Variants in RORA observed in about 807,000 individuals in gnomAD.
The protein encoded by RORA is RAR related orphan receptor A.
A neutral mutation model predicts 69.5 loss-of-function variants in RORA; 7 were observed. That is an observed-to-expected ratio of 0.10 (90% CI 0.06 to 0.19). The LOEUF (loss-of-function observed/expected upper bound fraction) is 0.19, where lower values mean the gene tolerates loss of function less well. Ranked by LOEUF, RORA falls within the 10% of genes least tolerant of loss-of-function variation. RORA has a pLI of 1.00. For synonymous variants in RORA, 261 were observed against 240.8 expected, an observed-to-expected ratio of 1.08 and a Z score of -0.78; for missense variants, 457 against 663.0, an observed-to-expected ratio of 0.69 and a Z score of 3.41.
At chr15:61,098,731 G>A (rs534841507) in intron 1 of RORA, among the ~76,000 whole-genome samples, 10 of 152,220 alleles carry the variant, frequency 6.6e-5, no homozygotes, top group African/African-American at 2.4e-4. Context: ...CCTACAAACA[G>A]GAAATATTAA....
At chr15:60,592,384 C>A (rs2140524959) in intron 2 of RORA, 1 of 1,429,156 alleles carries the variant, frequency 7.0e-7, no homozygotes, top group Non-Finnish European at 9.2e-7. Flanking sequence ...CGCCCGGGCT[C>A]ACCTTTCATC....
intron 1 of RORA, among the ~76,000 whole-genome samples, chr15:60,981,206 A>AG (rs1263254286): frequency 6.6e-6 from 1 of 151,808 alleles, no homozygotes; most frequent in African/African-American, 2.4e-5. Flanking sequence ...CTATATAATA[A>AG]GTTGCTTCTC....
intron 1 of RORA, among the ~76,000 whole-genome samples, chr15:61,203,139 T>A (rs778528918): frequency 6.6e-6 from 1 of 152,180 alleles, no homozygotes; most frequent in Non-Finnish European, 1.5e-5. Context: ...AGGAACAGAA[T>A]ACTATGACCA....
chr15:60,726,575 A>G (rs1447593848), intron 1 of RORA, among the ~76,000 whole-genome samples: 1 of 152,172 alleles, frequency 6.6e-6, no homozygotes, highest in African/African-American at 2.4e-5. Flanking sequence ...ATCAGCATCC[A>G]ATCATCTCTT....
At chr15:60,880,878 T>C (rs888444322) in intron 1 of RORA, among the ~76,000 whole-genome samples, 2 of 152,216 alleles carry the variant, frequency 1.3e-5, no homozygotes, top group Non-Finnish European at 2.9e-5. Context: ...TTTAACTTTT[T>C]TTCTTAGGGT....
intron 1 of RORA, among the ~76,000 whole-genome samples, chr15:61,186,891 C>T (rs1025626980): frequency 6.6e-6 from 1 of 152,196 alleles, no homozygotes; most frequent in Admixed American, 6.5e-5. Flanking sequence ...CAGGAGGAGT[C>T]ACTAAAGAAG....
At chr15:60,521,626 A>G (rs765390151) in intron 3 of RORA, among the ~76,000 whole-genome samples, 2 of 152,206 alleles carry the variant, frequency 1.3e-5, no homozygotes, top group Non-Finnish European at 2.9e-5. Context: ...GATTGATTCG[A>G]GTTTTCTGAT....
In RORA at chr15:61,135,578, C is replaced by CAAA. The variant is rs11453914; in HGVS notation, c.166+93472_166+93474dup. ...ATGTTAGAAACTTGTATTTCCACAT[C>CAAA]AAAAAAAAAAAAAAAAAAAACCACA... On this transcript the variant is annotated intron_variant, in intron 1 of 10. Coordinates refer to ENST00000335670, the MANE Select transcript of RORA (RefSeq NM_134261.3). 3.0e-3 allele frequency among the ~76,000 whole-genome samples: 342 copies of CAAA among 112,172 alleles called. 11 individuals are homozygous for CAAA. Among genetic ancestry groups the CAAA allele is most frequent in the African/African-American group, 5.8e-3 (167 of 28,860 alleles). 73.6% of individuals were successfully genotyped at this position (112,172 alleles called of 152,430 possible). A position where few individuals can be genotyped will look rare whatever the true frequency, so the allele number is the denominator to read the frequency against.
At position 60,613,756 on chromosome 15, in the gene RORA, C is replaced by A. The variant is rs1429677724; in HGVS notation, c.196+64901G>T. 7.3e-4 allele frequency among the ~76,000 whole-genome samples: 102 copies of A among 139,822 alleles called. 1 individual carries two copies. Among genetic ancestry groups the A allele is most frequent in the African/African-American group, 2.5e-3 (95 of 37,482 alleles). 91.7% of individuals were successfully genotyped at this position (139,822 alleles called of 152,430 possible). A position where few individuals can be genotyped will look rare whatever the true frequency, so the allele number is the denominator to read the frequency against. On this transcript the variant is annotated intron_variant, in intron 2 of 10. Transcript: ENST00000335670. ...TGTGTGTGTGTTAGGATTACAGCCA[C>A]AAAGTCACCTGAAAAAAAAAAAAGG...
At chr15:60,522,134 G>C (rs374513527) in intron 3 of RORA, among the ~76,000 whole-genome samples, 25 of 152,096 alleles carry the variant, frequency 1.6e-4, no homozygotes, top group Admixed American at 7.9e-4. Flanking sequence ...TATTAAATCT[G>C]TTATTACACA....
At chr15:60,596,472 G>C (rs1298424526) in intron 2 of RORA, among the ~76,000 whole-genome samples, 2 of 152,096 alleles carry the variant, frequency 1.3e-5, no homozygotes, top group Non-Finnish European at 2.9e-5. Flanking sequence ...GGTTGACATA[G>C]AGCCAGGGGA....
At position 60,915,462 on chromosome 15, in the gene RORA, T is replaced by C. The variant is rs76686567; in HGVS notation, c.167-236776A>G. On this transcript the variant is annotated intron_variant, in intron 1 of 10. Coordinates refer to ENST00000335670, the MANE Select transcript of RORA (RefSeq NM_134261.3). Reference sequence around the variant, plus strand: ...ATCACTTCTCCTCTCTGGACCTCAGTTACTCATCTAAATTGACATGATTTG... The same window carrying C: ...ATCACTTCTCCTCTCTGGACCTCAGCTACTCATCTAAATTGACATGATTTG... Among the ~76,000 whole-genome samples the C allele has an allele frequency of 1.3e-3, 198 of 152,296 alleles. 1 individual carries two copies. Among genetic ancestry groups the C allele is most frequent in the African/African-American group, 3.9e-3 (161 of 41,556 alleles).
chr15:60,531,972 C>A lies in RORA; in HGVS notation c.197-121G>T. Reference sequence around the variant, plus strand: ...CCTGCTAAACATTATACTGCATTAACTATTCATTGCTGAACTGTGAGGGTC... The same window carrying A: ...CCTGCTAAACATTATACTGCATTAAATATTCATTGCTGAACTGTGAGGGTC... On this transcript the variant is annotated intron_variant, in intron 2 of 10. Coordinates refer to ENST00000335670, the MANE Select transcript of RORA (RefSeq NM_134261.3). The surrounding 1 kb of genome is among the most constrained non-coding windows in gnomAD (Gnocchi z 4.8). The A allele has an allele frequency of 1.7e-6, 1 of 582,298 alleles. No individual in the cohort carries two copies. Among genetic ancestry groups the A allele is most frequent in the South Asian group, 2.6e-5 (1 of 38,956 alleles). The allele number at this position is 582,298 out of a possible 1,614,324, so 36.1% of individuals were successfully genotyped here.
intron 1 of RORA, among the ~76,000 whole-genome samples, chr15:60,927,723 A>G (rs1409682018): frequency 6.6e-6 from 1 of 152,146 alleles, no homozygotes; most frequent in Non-Finnish European, 1.5e-5. Context: ...GCAATGAGCC[A>G]AGATCACACC....
chr15:61,075,258 G>A (rs1053103443), intron 1 of RORA, among the ~76,000 whole-genome samples: 2 of 152,042 alleles, frequency 1.3e-5, no homozygotes, highest in Non-Finnish European at 2.9e-5. Context: ...GAGAAAGTCC[G>A]GGAGCTTTAG....
At chr15:60,924,176 T>C (rs1027699149) in intron 1 of RORA, among the ~76,000 whole-genome samples, 3 of 151,838 alleles carry the variant, frequency 2.0e-5, no homozygotes, top group African/African-American at 4.8e-5. Flanking sequence ...TGACAACTTA[T>C]CTCCTGAAGG....
intron 1 of RORA, among the ~76,000 whole-genome samples, chr15:60,891,925 C>T (rs1162901149): frequency 3.3e-5 from 5 of 152,210 alleles, no homozygotes; most frequent in Non-Finnish European, 7.3e-5. Context: ...TTTAGTACCA[C>T]TCCTACAAGC....
At chr15:60,556,746 T>C (rs1313888701) in intron 2 of RORA, 12 of 815,116 alleles carry the variant, frequency 1.5e-5, no homozygotes, top group Non-Finnish European at 2.2e-5. Flanking sequence ...CTCTTCATCA[T>C]TTTCTGGTTC....
chr15:61,160,467 T>TA (rs1377267815), intron 1 of RORA, among the ~76,000 whole-genome samples: 1 of 140,704 alleles, frequency 7.1e-6, no homozygotes, highest in East Asian at 1.9e-4. Flanking sequence ...ATTCAGTAAA[T>TA]ATGTTTATTC....
Sources: gnomAD v4.1 joint callset for allele counts (sites outside exome capture counted in the v4.1 genomes callset) on GRCh38, gnomAD v4.1.1 for gene constraint, Gnocchi (gnomAD v3.1) non-coding constraint, MANE v1.5 for transcripts, NCBI Gene and HGNC (gene_info 2026-07-23, HGNC 2026-07-21) for gene names.